Variants in KTN1 observed in about 807,000 individuals in gnomAD.
The protein encoded by KTN1 is kinectin 1, also known as kinectin.
KTN1 carries 130 observed loss-of-function variants against 222.5 expected under a neutral mutation model. The observed-to-expected ratio is 0.58, with a 90% CI of 0.51 to 0.68. The LOEUF (loss-of-function observed/expected upper bound fraction) is 0.68. Among genes scored for constraint, KTN1 ranks in the 30% least tolerant of loss-of-function variants. The probability of loss-of-function intolerance (pLI) is 0.00; values close to 1 mark genes in which losing one functional copy is unlikely to be tolerated. For missense variants in KTN1, 1,508 were observed against 1,500.4 expected (o/e 1.01, Z -0.08); for synonymous variants, 512 against 496.3 (o/e 1.03, Z -0.42).
rs1002374839 is a variant in KTN1 at position 55,598,424 on chromosome 14, G to C, written c.-30-13595G>C. On this transcript the variant is annotated intron_variant, in intron 1 of 43. Transcript: ENST00000395314. ...CACTCCAGCCTCGGCGACAGAGCGA[G>C]ACTCCATCTCAAAAAAAAAAAAAAA... Among the ~76,000 whole-genome samples the C allele has an allele frequency of 1.4e-3, 184 of 135,574 alleles. 2 individuals are homozygous for C. Among genetic ancestry groups the C allele is most frequent in the African/African-American group, 5.0e-3 (179 of 35,596 alleles). 88.9% of individuals were successfully genotyped at this position (135,574 alleles called of 152,430 possible).
At chr14:55,609,038 TAA>T (rs544387840) in intron 1 of KTN1, among the ~76,000 whole-genome samples, 3 of 142,388 alleles carry the variant, frequency 2.1e-5, no homozygotes, top group African/African-American at 2.6e-5. Context: ...TTTATTCTTC[TAA>T]AAAAAAAAAA....
At chr14:55,611,996 T>TC in intron 1 of KTN1, 23 bp from the exon 2 acceptor site, 2 of 1,020,766 alleles carry the variant, frequency 2.0e-6, no homozygotes, top group Non-Finnish European at 1.3e-6. Flanking sequence ...TTTTTTTTTG[T>TC]CCCCACCTTC....
At chr14:55,674,385 G>T (rs1185300587) in intron 40 of KTN1, 4 of 151,966 alleles carry the variant, frequency 2.6e-5, no homozygotes, top group Admixed American at 2.0e-4. Flanking sequence ...AAAAGTTTAG[G>T]ATTTTGGAGC....
chr14:55,665,057 T>A (rs2044567214), intron 33 of KTN1, among the ~76,000 whole-genome samples: 1 of 152,176 alleles, frequency 6.6e-6, no homozygotes, highest in African/African-American at 2.4e-5. Context: ...GGATTTGTAT[T>A]TAACTATATC....
At chr14:55,608,578 AT>A (rs1394806568) in intron 1 of KTN1, among the ~76,000 whole-genome samples, 1 of 149,204 alleles carries the variant, frequency 6.7e-6, no homozygotes, top group Non-Finnish European at 1.5e-5. Context: ...AATCATTCTG[AT>A]TTTGAATGTT....
intron 34 of KTN1, among the ~76,000 whole-genome samples, chr14:55,669,836 G>C (rs1038710146): frequency 7.9e-5 from 12 of 152,016 alleles, no homozygotes; most frequent in Non-Finnish European, 1.2e-4. Context: ...TTTGTTATTT[G>C]ATAGTTTCCA....
intron 40 of KTN1, chr14:55,674,708 G>C (rs2045748802): frequency 6.6e-6 from 1 of 152,014 alleles, no homozygotes; most frequent in Non-Finnish European, 1.5e-5. Flanking sequence ...TCTCCACTTG[G>C]CTTAATGCTT....
At chr14:55,594,140 CTAAG>C (rs1220852988) in intron 1 of KTN1, among the ~76,000 whole-genome samples, 1 of 152,150 alleles carries the variant, frequency 6.6e-6, no homozygotes, top group African/African-American at 2.4e-5. Flanking sequence ...CACACTATTA[CTAAG>C]TATTTGGAGG....
intron 17 of KTN1, 68 bp downstream of exon 17, chr14:55,641,276 C>A: frequency 1.1e-6 from 1 of 870,506 alleles, no homozygotes; most frequent in Non-Finnish European, 1.8e-6. Context: ...TTGAGTGATT[C>A]CAGAAATACT....
intron 1 of KTN1, among the ~76,000 whole-genome samples, chr14:55,585,781 A>G (rs1341486741): frequency 6.6e-6 from 1 of 152,236 alleles, no homozygotes; most frequent in Non-Finnish European, 1.5e-5. Flanking sequence ...TATTTTTACA[A>G]AGGAGGAGAA....
intron 1 of KTN1, among the ~76,000 whole-genome samples, chr14:55,604,788 GGGTTTTGAAGGATA>G (rs2036499281): frequency 6.6e-6 from 1 of 151,936 alleles, no homozygotes; most frequent in Non-Finnish European, 1.5e-5. Flanking sequence ...GATTTAAGCT[GGGTTTTGAAGGATA>G]GGTGGAGATT....
rs1440500870 is a variant in KTN1, at chr14:55,653,030, A to C, written c.2708A>C (p.Glu903Ala). The change falls in exon 27 of 44, where the codon GAA becomes GCA. Residue 903 changes from glutamate (E) to alanine (A), a missense_variant. By Grantham distance (107) the Glu-to-Ala change is moderately radical. Transcript: ENST00000395314. ...ATTCTTTTTAAGGATCTTCAAGAAG[A>C]AAATGAATCTTTAAAAGCACATGTT... ...TGKWLQDLQE[E>A]NESLKAHVQE... is the part of the protein sequence containing the mutation. 6.2e-7 allele frequency: 1 copy of C among 1,605,548 alleles called. No homozygotes were observed. Among genetic ancestry groups the C allele is most frequent in the Non-Finnish European group, 8.5e-7 (1 of 1,172,698 alleles).
rs183869266 is a variant in KTN1, at chr14:55,637,515, A to G, written c.1716+151A>G. ...TTGTCTTTTGAGCACTTGTCACAATATGGTGTGTTTGAAGGTGTGCTCACC... is the reference window on the plus strand; with the variant it reads ...TTGTCTTTTGAGCACTTGTCACAATGTGGTGTGTTTGAAGGTGTGCTCACC... On this transcript the variant is annotated intron_variant, in intron 11 of 43. Coordinates refer to ENST00000395314, the MANE Select transcript of KTN1 (RefSeq NM_001079521.2). 5.0e-4 allele frequency: 345 copies of G among 687,598 alleles called. No homozygotes were observed. In the African/African-American group the frequency reaches 5.8e-3, roughly 12 times the overall value. The allele number at this position is 687,598 out of a possible 1,614,324, so 42.6% of individuals were successfully genotyped here. A position where few individuals can be genotyped will look rare whatever the true frequency, so the allele number is the denominator to read the frequency against.
intron 1 of KTN1, among the ~76,000 whole-genome samples, chr14:55,611,571 G>A (rs1237477555): frequency 2.0e-5 from 3 of 152,048 alleles, no homozygotes; most frequent in East Asian, 3.9e-4. Flanking sequence ...CTCTTTTTGC[G>A]TGTGTGTGCA....
chr14:55,680,687 G>A (rs1201775154), intron 43 of KTN1: 1 of 1,366,080 alleles, frequency 7.3e-7, no homozygotes, highest in Non-Finnish European at 9.8e-7. Context: ...TCACTTTAGA[G>A]TGATCATCCT....
At chr14:55,586,080 C>G (rs924115946) in intron 1 of KTN1, among the ~76,000 whole-genome samples, 14 of 152,156 alleles carry the variant, frequency 9.2e-5, no homozygotes, top group African/African-American at 3.4e-4. Context: ...AGGAAACAAT[C>G]TGGTCTGGTA....
At chr14:55,663,772 T>C in intron 32 of KTN1, 183 bp from the exon 33 acceptor site, 1 of 527,794 alleles carries the variant, frequency 1.9e-6, no homozygotes, top group Non-Finnish European at 3.4e-6. Flanking sequence ...AGTGGGCGTC[T>C]TTATTTTCTC....
At chr14:55,618,668 G>A (rs1177033329) in intron 4 of KTN1, among the ~76,000 whole-genome samples, 2 of 152,174 alleles carry the variant, frequency 1.3e-5, no homozygotes, top group Non-Finnish European at 2.9e-5. Context: ...GGGTCAGGAG[G>A]TGCTTGATGC....
intron 5 of KTN1, among the ~76,000 whole-genome samples, chr14:55,624,101 T>C (rs2140834564): frequency 6.6e-6 from 1 of 152,338 alleles, no homozygotes; most frequent in Middle Eastern, 3.4e-3. Context: ...GATTAAAATC[T>C]TATTGTTCTT....
Sources: gnomAD v4.1 joint callset for allele counts (sites outside exome capture counted in the v4.1 genomes callset) on GRCh38, gnomAD v4.1.1 for gene constraint, MANE v1.5 for transcripts, NCBI Gene and HGNC (gene_info 2026-07-23, HGNC 2026-07-21) for gene names.